The following ACOT1 variants were observed in gnomAD, a reference collection of about 807,000 sequenced individuals.
ACOT1 encodes acyl-CoA thioesterase 1.
Under a neutral mutation model 15.7 loss-of-function variants are expected in ACOT1, and 8 were observed. The ratio of observed to expected loss-of-function variants is 0.51; its 90% CI spans 0.30 to 0.92. The LOEUF (loss-of-function observed/expected upper bound fraction) is 0.92, where lower values mean the gene tolerates loss of function less well. ACOT1 is among the 40% of genes least tolerant of loss of function. ACOT1 has a pLI of 0.06. For missense variants in ACOT1, 151 were observed against 539.4 expected (o/e 0.28, Z 7.13); for synonymous variants, 67 against 241.2 (o/e 0.28, Z 6.69).
chr14:73,542,403 CTT>C (rs57839054), intron 2 of ACOT1, among the ~76,000 whole-genome samples: 11 of 83,450 alleles, frequency 1.3e-4, no homozygotes, highest in Non-Finnish European at 1.5e-4. Context: ...TTTTTTCTTT[CTT>C]TTTTTTTTTT....
the ACOT1 span, chr14:73,527,488 T>A: frequency 2.6e-5 from 4 of 151,918 alleles, no homozygotes; most frequent in East Asian, 7.7e-4. Context: ...AAGGCTGCTC[T>A]GCCTATGGAG....
At chr14:73,530,819 T>G in the ACOT1 span, among the ~76,000 whole-genome samples, 1 of 80,860 alleles carries the variant, frequency 1.2e-5, no homozygotes, top group Admixed American at 1.6e-4. Context: ...TTTTTTTTTT[T>G]GTAGAGATAG....
the ACOT1 span, chr14:73,496,815 A>G: frequency 8.1e-6 from 5 of 614,278 alleles, no homozygotes; most frequent in Non-Finnish European, 1.5e-5. Context: ...TGAGCCTTAT[A>G]TGCAAAAATG....
the ACOT1 span, chr14:73,522,412 C>A: frequency 2.5e-6 from 4 of 1,614,234 alleles, no homozygotes; most frequent in South Asian, 4.4e-5. Context: ...TAAGCTCATC[C>A]CGAATGTGAC....
At chr14:73,500,951 T>G in the ACOT1 span, among the ~76,000 whole-genome samples, 2 of 152,238 alleles carry the variant, frequency 1.3e-5, no homozygotes, top group African/African-American at 4.8e-5. Context: ...TGCAGGGCTT[T>G]CAGTTACACT....
At chr14:73,492,082 A>G in the ACOT1 span, 1 of 1,613,422 alleles carries the variant, frequency 6.2e-7, no homozygotes, top group Non-Finnish European at 8.5e-7. The surrounding 1 kb of genome is among the most constrained non-coding windows in gnomAD (Gnocchi z 4.9). Flanking sequence ...AAGGTAGGAA[A>G]CTCTGGCGTG....
At chr14:73,514,021 C>T in the ACOT1 span, 27 of 1,613,656 alleles carry the variant, frequency 1.7e-5, no homozygotes, top group South Asian at 2.0e-4. Flanking sequence ...CAGGACCTCC[C>T]TTCACTCACT....
At chr14:73,522,970 G>A in the ACOT1 span, 1 of 1,614,186 alleles carries the variant, frequency 6.2e-7, no homozygotes, top group Non-Finnish European at 8.5e-7. Flanking sequence ...TCAAATATTG[G>A]CTCTTGCGGT....
At chr14:73,541,012 G>T (rs1889064834) in intron 1 of ACOT1, among the ~76,000 whole-genome samples, 1 of 115,384 alleles carries the variant, frequency 8.7e-6, no homozygotes, top group African/African-American at 2.9e-5. Flanking sequence ...AAAGTGCTGG[G>T]ATTACAGGCG....
the ACOT1 span, chr14:73,491,626 C>T: frequency 1.3e-6 from 2 of 1,549,272 alleles, no homozygotes; most frequent in Non-Finnish European, 8.7e-7. Context: ...GGCGAGCGGC[C>T]CGCCTCTTTG....
chr14:73,497,164 G>A, the ACOT1 span, among the ~76,000 whole-genome samples: 1 of 152,060 alleles, frequency 6.6e-6, no homozygotes, highest in African/African-American at 2.4e-5. Context: ...CCAAAGTGTT[G>A]GGGCTACAGG....
chr14:73,495,922 G>GTTCGAGGCCAGGAA, the ACOT1 span, among the ~76,000 whole-genome samples: 8 of 152,168 alleles, frequency 5.3e-5, no homozygotes, highest in African/African-American at 1.9e-4. Context: ...GAGGCCAGGA[G>GTTCGAGGCCAGGAA]TTCAAGACCA....
chr14:73,514,904 C>T, the ACOT1 span, among the ~76,000 whole-genome samples: 1 of 151,848 alleles, frequency 6.6e-6, no homozygotes, highest in Admixed American at 6.6e-5. Context: ...CCCGTCTCTA[C>T]TAAAATACAA....
the ACOT1 span, among the ~76,000 whole-genome samples, chr14:73,515,422 G>A: frequency 6.6e-6 from 1 of 151,936 alleles, no homozygotes; most frequent in Non-Finnish European, 1.5e-5. Flanking sequence ...GCTCATGCCT[G>A]TAATCCCAGC....
At chr14:73,512,048 C>T in the ACOT1 span, 1 of 1,614,090 alleles carries the variant, frequency 6.2e-7, no homozygotes, top group Admixed American at 1.7e-5. Flanking sequence ...CGTTCCAAAG[C>T]AGCTGTGGCA....
chr14:73,522,658 G>A, the ACOT1 span: 2 of 1,614,122 alleles, frequency 1.2e-6, no homozygotes, highest in Non-Finnish European at 1.7e-6. Context: ...AGGGATGATG[G>A]ATGAGAGGGC....
At chr14:73,499,000 G>C in the ACOT1 span, 2 of 1,307,670 alleles carry the variant, frequency 1.5e-6, no homozygotes, top group Admixed American at 3.4e-5. Flanking sequence ...GAGAGTTTCA[G>C]GGGATCATTT....
the ACOT1 span, chr14:73,492,259 CTCT>C: frequency 1.2e-6 from 2 of 1,614,032 alleles, no homozygotes; most frequent in Non-Finnish European, 1.7e-6. The surrounding 1 kb of genome is among the most constrained non-coding windows in gnomAD (Gnocchi z 4.9). Context: ...ATGGAGTCCA[CTCT>C]CTGCACCTCA....
the ACOT1 span, among the ~76,000 whole-genome samples, chr14:73,524,701 G>A: frequency 4.0e-5 from 6 of 150,110 alleles, no homozygotes; most frequent in African/African-American, 2.5e-5. Flanking sequence ...CTTAACCTCC[G>A]TGCCACACTG....
Sources: allele counts gnomAD v4.1 joint callset (sites outside exome capture counted in the v4.1 genomes callset), GRCh38; gene constraint gnomAD v4.1.1; non-coding constraint Gnocchi (gnomAD v3.1); transcripts MANE v1.5; gene names NCBI Gene and HGNC (gene_info 2026-07-23, HGNC 2026-07-21).